The following OCIAD1 variants were observed in gnomAD, a reference collection of about 807,000 sequenced individuals.
The protein encoded by OCIAD1 is OCIA domain containing 1.
In OCIAD1, 29 loss-of-function variants were observed where a neutral mutation model predicts 38.9. The ratio of observed to expected loss-of-function variants is 0.74; its 90% CI spans 0.55 to 1.02. The LOEUF (loss-of-function observed/expected upper bound fraction) is 1.02. OCIAD1 is among the 50% of genes least tolerant of loss of function. The pLI is 0.00. For missense variants in OCIAD1, 288 were observed against 289.6 expected, an observed-to-expected ratio of 0.99 and a Z score of 0.04; for synonymous variants, 110 against 92.0, an observed-to-expected ratio of 1.20 and a Z score of -1.12.
At chr4:48,826,652 C>T (rs77235976), upstream of OCIAD1, among the ~76,000 whole-genome samples, 1,003 of 152,274 alleles carry the variant, frequency 6.6e-3, 14 homozygotes, top group African/African-American at 0.023. Flanking sequence ...TACACACTTA[C>T]ATATTTCAAA....
chr4:48,842,669 C>A lies in OCIAD1; in HGVS notation c.173C>A (p.Thr58Asn). The stretch of plus-strand genomic sequence containing the variant: ...TTGGCTGCAACAAGTATGTTGATTA[C>A]TCAAGGATTAATTAGTAAAGGTAAA... ...VPLAATSMLI[T>N]QGLISKGILS... Residue 58 changes from threonine (T) to asparagine (N), a missense_variant, in exon 4 of 9, where the codon ACT becomes AAT. Transcript: ENST00000264312. 2 of 1,564,926 alleles carry A rather than the reference C, an allele frequency of 1.3e-6. No homozygotes were observed. Among genetic ancestry groups the A allele is most frequent in the Admixed American group, 1.9e-5 (1 of 52,158 alleles).
chr4:48,820,482 A>G (rs1475326317), intron 1 of OCIAD1, among the ~76,000 whole-genome samples: 2 of 152,234 alleles, frequency 1.3e-5, no homozygotes, highest in Admixed American at 1.3e-4. Flanking sequence ...TAACATCACA[A>G]TTAAAAGAAT....
At chr4:48,848,297 C>T in intron 4 of OCIAD1, 102 bp from the exon 5 acceptor site, 1 of 593,632 alleles carries the variant, frequency 1.7e-6, no homozygotes, top group Non-Finnish European at 3.0e-6. Flanking sequence ...TCTGTAGGAT[C>T]ATGGAAGGAG....
At chr4:48,845,238 C>A (rs1404571913) in intron 4 of OCIAD1, among the ~76,000 whole-genome samples, 3 of 152,172 alleles carry the variant, frequency 2.0e-5, no homozygotes, top group Admixed American at 6.5e-5. Flanking sequence ...ATGAATGAGC[C>A]CTTCACTTTT....
chr4:48,817,865 T>C (rs1777157162), intron 1 of OCIAD1, among the ~76,000 whole-genome samples: 1 of 152,168 alleles, frequency 6.6e-6, no homozygotes, highest in African/African-American at 2.4e-5. Context: ...TCTAGATTTC[T>C]CCTCACTGGG....
Position 48,850,035 on chromosome 4 carries a change from T to C in OCIAD1, c.330T>C (p.Leu110=), listed in dbSNP as rs1779293086. ...EKFKKLENSP[L]GEALRSGQAR... Reference sequence around the variant, plus strand: ...TCAAGAAACTTGAAAATTCCCCCCTTGGAGAAGCTTTACGATCAGGACAAG... The same window carrying C: ...TCAAGAAACTTGAAAATTCCCCCCTCGGAGAAGCTTTACGATCAGGACAAG... The change falls in exon 6 of 9, where the codon CTT becomes CTC. Residue 110 remains leucine (L), a synonymous_variant. Coordinates refer to ENST00000264312, the MANE Select transcript of OCIAD1 (RefSeq NM_017830.4). 1.2e-6 allele frequency: 2 copies of C among 1,613,568 alleles called. No individual in the cohort carries two copies. The highest frequency in any genetic ancestry group is 1.7e-6 in the Non-Finnish European group (2 of 1,179,852).
chr4:48,849,234 T>C (rs1280845349), intron 5 of OCIAD1, among the ~76,000 whole-genome samples: 1 of 152,096 alleles, frequency 6.6e-6, no homozygotes. Context: ...ACGTGGCACA[T>C]GTATACATAT....
chr4:48,835,344 A>G (rs1348497672), intron 3 of OCIAD1, among the ~76,000 whole-genome samples: 1 of 152,198 alleles, frequency 6.6e-6, no homozygotes, highest in East Asian at 1.9e-4. Flanking sequence ...GAATTGACTT[A>G]CTGAAATTGA....
chr4:48,844,615 C>CA (rs887059530), intron 4 of OCIAD1, among the ~76,000 whole-genome samples: 37 of 151,162 alleles, frequency 2.4e-4, no homozygotes, highest in Admixed American at 1.7e-3. Flanking sequence ...GACTCTGTCT[C>CA]AAAAAAAAGG....
chr4:48,832,193 T>C (rs1777566901), intron 1 of OCIAD1, among the ~76,000 whole-genome samples: 1 of 152,222 alleles, frequency 6.6e-6, no homozygotes, highest in Non-Finnish European at 1.5e-5. Context: ...TTTTTTAATA[T>C]GGAAGCTCAG....
At chr4:48,823,690 T>G (rs961538507) in intron 1 of OCIAD1, among the ~76,000 whole-genome samples, 1 of 151,956 alleles carries the variant, frequency 6.6e-6, no homozygotes, top group Non-Finnish European at 1.5e-5. Flanking sequence ...TTAGAGAAGG[T>G]CTTGTTCTGT....
At chr4:48,826,609 T>C (rs1329127123), upstream of OCIAD1, among the ~76,000 whole-genome samples, 1 of 152,204 alleles carries the variant, frequency 6.6e-6, no homozygotes, top group Non-Finnish European at 1.5e-5. Context: ...AACATTGAGG[T>C]AATGAATATG....
intron 7 of OCIAD1, 181 bp downstream of exon 7, chr4:48,852,156 T>C (rs967096656): frequency 7.7e-6 from 4 of 519,548 alleles, no homozygotes; most frequent in African/African-American, 3.9e-5. Flanking sequence ...GACCAGTAGG[T>C]GTCAAGGACT....
chr4:48,831,665 G>T, intron 1 of OCIAD1: 1 of 719,436 alleles, frequency 1.4e-6, no homozygotes, highest in Non-Finnish European at 2.1e-6. Context: ...TGCCGTTATG[G>T]GAAATAAGAG....
chr4:48,855,837 T>C (rs1779988203), intron 7 of OCIAD1: 1 of 151,790 alleles, frequency 6.6e-6, no homozygotes, highest in Non-Finnish European at 1.5e-5. Flanking sequence ...AAAAAGTTTA[T>C]GGTTGAAAAC....
intron 1 of OCIAD1, among the ~76,000 whole-genome samples, chr4:48,807,566 T>C (rs780997487): frequency 2.0e-5 from 3 of 152,218 alleles, no homozygotes; most frequent in Non-Finnish European, 4.4e-5. Context: ...GTAATAAATG[T>C]TAGGCATTAA....
chr4:48,827,196 T>A (rs1477693689), upstream of OCIAD1, among the ~76,000 whole-genome samples: 2 of 152,224 alleles, frequency 1.3e-5, no homozygotes, highest in Non-Finnish European at 2.9e-5. Flanking sequence ...GTTCAAGCGT[T>A]CATTTGAAAA....
chr4:48,821,174 G>C (rs527823013), intron 1 of OCIAD1, among the ~76,000 whole-genome samples: 25 of 152,064 alleles, frequency 1.6e-4, no homozygotes, highest in Non-Finnish European at 2.9e-4. Context: ...AAACCAAATC[G>C]AGCAGCACAT....
intron 8 of OCIAD1, chr4:48,860,115 A>G (rs1780466533): frequency 6.6e-6 from 1 of 152,510 alleles, no homozygotes; most frequent in African/African-American, 2.4e-5. Context: ...AAGGAGTAGA[A>G]TAGACAGCGG....
Sources: gnomAD v4.1 joint callset for allele counts (sites outside exome capture counted in the v4.1 genomes callset) on GRCh38, gnomAD v4.1.1 for gene constraint, MANE v1.5 for transcripts, NCBI Gene and HGNC (gene_info 2026-07-23, HGNC 2026-07-21) for gene names.